KIF6: variants seen among roughly 807,000 people sequenced by gnomAD.
KIF6 encodes the protein kinesin family member 6, also known as kinesin-like protein KIF6.
Under a neutral mutation model 112.7 loss-of-function variants are expected in KIF6, and 106 were observed. The ratio of observed to expected loss-of-function variants is 0.94; its 90% CI spans 0.80 to 1.11. The LOEUF (loss-of-function observed/expected upper bound fraction) is 1.11. Among genes scored for constraint, KIF6 ranks in the 50% least tolerant of loss-of-function variants. The pLI is 0.00. For missense variants in KIF6, 929 were observed against 964.0 expected (o/e 0.96, Z 0.48); for synonymous variants, 339 against 339.9 (o/e 1.00, Z 0.03).
At chr6:39,485,920 T>C (rs1775083430) in intron 13 of KIF6, among the ~76,000 whole-genome samples, 1 of 152,196 alleles carries the variant, frequency 6.6e-6, no homozygotes, top group African/African-American at 2.4e-5. Context: ...GTGTATATAT[T>C]ATCCCCATTT....
At chr6:39,460,536 T>TAAAAAAAAAAAAAAAAGA (rs1773405946) in intron 13 of KIF6, among the ~76,000 whole-genome samples, 1 of 57,078 alleles carries the variant, frequency 1.8e-5, no homozygotes, top group African/African-American at 7.3e-5. Flanking sequence ...AAAAAAAAAG[T>TAAAAAAAAAAAAAAAAGA]AAAAAAAAAA....
intron 10 of KIF6, among the ~76,000 whole-genome samples, chr6:39,560,304 T>C (rs1561810645): frequency 6.6e-6 from 1 of 152,250 alleles, no homozygotes; most frequent in Non-Finnish European, 1.5e-5. Context: ...ATATACTACA[T>C]TTTCAATTGA....
chr6:39,555,514 G>A (rs1170568841), intron 10 of KIF6, among the ~76,000 whole-genome samples: 2 of 152,160 alleles, frequency 1.3e-5, no homozygotes, highest in Non-Finnish European at 2.9e-5. Flanking sequence ...GGTGCTAACA[G>A]AATGGAACAG....
intron 13 of KIF6, among the ~76,000 whole-genome samples, chr6:39,451,238 C>A (rs1377237694): frequency 6.6e-6 from 1 of 152,028 alleles, no homozygotes; most frequent in East Asian, 1.9e-4. Context: ...CTACTGAGGG[C>A]AACAGACAAG....
At chr6:39,547,269 C>T (rs950611422) in intron 10 of KIF6, among the ~76,000 whole-genome samples, 1 of 152,146 alleles carries the variant, frequency 6.6e-6, no homozygotes. Context: ...TAATTTGTGA[C>T]ATGTGACAGC....
At chr6:39,577,038 C>A in intron 10 of KIF6, among the ~76,000 whole-genome samples, 1 of 152,140 alleles carries the variant, frequency 6.6e-6, no homozygotes, top group Non-Finnish European at 1.5e-5. Context: ...GAAGAAATGA[C>A]ATAAAACTTT....
intron 5 of KIF6, among the ~76,000 whole-genome samples, chr6:39,630,520 G>T (rs1293672379): frequency 1.3e-5 from 2 of 151,890 alleles, no homozygotes; most frequent in Non-Finnish European, 2.9e-5. Flanking sequence ...ATTGACTTTT[G>T]TACATTAACC....
intron 13 of KIF6, among the ~76,000 whole-genome samples, chr6:39,539,599 TC>T (rs1292804330): frequency 6.6e-6 from 1 of 152,206 alleles, no homozygotes; most frequent in Non-Finnish European, 1.5e-5. Flanking sequence ...TGCCTTGGCC[TC>T]CCAAAATGCT....
chr6:39,524,205 A>G (rs183019377), intron 13 of KIF6, among the ~76,000 whole-genome samples: 1 of 151,988 alleles, frequency 6.6e-6, no homozygotes, highest in African/African-American at 2.4e-5. Context: ...AAAGAGAGGG[A>G]CCTTCTGTTC....
At chr6:39,716,780 T>C (rs113886947) in intron 2 of KIF6, among the ~76,000 whole-genome samples, 12,213 of 152,228 alleles carry the variant, frequency 0.08, 518 homozygotes, top group Middle Eastern at 0.12. Context: ...CATTTCAAAC[T>C]CAGCATATGC....
At chr6:39,361,810 C>T (rs143622760) in intron 17 of KIF6, among the ~76,000 whole-genome samples, 4 of 138,482 alleles carry the variant, frequency 2.9e-5, no homozygotes, top group Non-Finnish European at 6.2e-5. Context: ...GCCAGGTCAG[C>T]TGGGGGTTGG....
At chr6:39,576,164 C>T (rs1780964157) in intron 10 of KIF6, among the ~76,000 whole-genome samples, 1 of 151,940 alleles carries the variant, frequency 6.6e-6, no homozygotes, top group Admixed American at 6.6e-5. Flanking sequence ...TGGAGTTTCA[C>T]TCCATGCTGG....
chr6:39,567,805 C>T (rs1780387913), intron 10 of KIF6, among the ~76,000 whole-genome samples: 1 of 152,112 alleles, frequency 6.6e-6, no homozygotes, highest in Non-Finnish European at 1.5e-5. Context: ...GACGGGGTTT[C>T]ACTGTGTTAG....
chr6:39,673,127 C>T (rs1434150572), intron 3 of KIF6, among the ~76,000 whole-genome samples: 2 of 152,182 alleles, frequency 1.3e-5, no homozygotes, highest in African/African-American at 2.4e-5. Flanking sequence ...TCCGCCACCA[C>T]CAGCAGCCTT....
At chr6:39,434,087 A>G (rs2150385775) in intron 13 of KIF6, among the ~76,000 whole-genome samples, 1 of 152,300 alleles carries the variant, frequency 6.6e-6, no homozygotes, top group African/African-American at 2.4e-5. Context: ...AAAGAGAAAG[A>G]GCAAAGGAGC....
At chr6:39,612,848 A>T (rs1783291586) in intron 6 of KIF6, among the ~76,000 whole-genome samples, 1 of 152,222 alleles carries the variant, frequency 6.6e-6, no homozygotes, top group Non-Finnish European at 1.5e-5. Context: ...CAATTAAGAC[A>T]TGTAATACAT....
At chr6:39,356,820 T>C (rs1764727710) in intron 19 of KIF6, among the ~76,000 whole-genome samples, 1 of 152,168 alleles carries the variant, frequency 6.6e-6, no homozygotes, top group Admixed American at 6.5e-5. Flanking sequence ...GTAGGGAGAC[T>C]GGCTCTGGGC....
At position 39,657,364 on chromosome 6, in the gene KIF6, A is replaced by C. The variant is rs140198827; in HGVS notation, c.252-17607T>G. 4.4e-3 allele frequency among the ~76,000 whole-genome samples: 665 copies of C among 152,298 alleles called. 7 individuals carry two copies. The highest frequency in any genetic ancestry group is 0.016 in the African/African-American group (646 of 41,574). ...GAAAAAATCTGTGGAATGAAGGAAG[A>C]GAAGTGTAGAGAGATGAATGAAGGG... On this transcript the variant is annotated intron_variant, in intron 3 of 22. Transcript: ENST00000287152.
chr6:39,452,754 C>T (rs1273444276), intron 13 of KIF6, among the ~76,000 whole-genome samples: 1 of 152,158 alleles, frequency 6.6e-6, no homozygotes, highest in Admixed American at 6.5e-5. Flanking sequence ...GGATCAAAGT[C>T]AAGTTCAGGC....
Sources: gnomAD v4.1 joint callset for allele counts (sites outside exome capture counted in the v4.1 genomes callset) on GRCh38, gnomAD v4.1.1 for gene constraint, MANE v1.5 for transcripts, NCBI Gene and HGNC (gene_info 2026-07-23, HGNC 2026-07-21) for gene names.